Variants in DKKL1 observed in about 807,000 individuals in gnomAD.
DKKL1 encodes dickkopf-like protein 1.
Under a neutral mutation model 16.5 loss-of-function variants are expected in DKKL1, and 11 were observed. That is an observed-to-expected ratio of 0.67 (90% CI 0.42 to 1.10). The LOEUF (loss-of-function observed/expected upper bound fraction) is 1.10. Ranked by LOEUF, DKKL1 falls within the 50% of genes least tolerant of loss-of-function variation. The probability of loss-of-function intolerance (pLI) is 0.00; values close to 1 mark genes in which losing one functional copy is unlikely to be tolerated. For synonymous variants in DKKL1, 119 were observed against 133.2 expected (o/e 0.89, Z 0.73); for missense variants, 320 against 308.1 (o/e 1.04, Z -0.29).
At chr19:49,367,683 G>A (rs1973309447) in intron 4 of DKKL1, among the ~76,000 whole-genome samples, 1 of 152,130 alleles carries the variant, frequency 6.6e-6, no homozygotes, top group African/African-American at 2.4e-5. Flanking sequence ...TGGGATTATA[G>A]GCGTGAGCCA....
chr19:49,371,917 G>A (rs1193050573), intron 4 of DKKL1, among the ~76,000 whole-genome samples: 2 of 152,124 alleles, frequency 1.3e-5, no homozygotes, highest in African/African-American at 4.8e-5. Context: ...ATGGTTTCCA[G>A]CTTCATCCAT....
chr19:49,374,578 C>A, intron 4 of DKKL1, 139 bp from the exon 5 acceptor site: 1 of 717,860 alleles, frequency 1.4e-6, no homozygotes, highest in Non-Finnish European at 2.1e-6. Context: ...AACCCAAGTG[C>A]TTTGTAAACC....
intron 4 of DKKL1, among the ~76,000 whole-genome samples, chr19:49,373,062 G>A (rs976626218): frequency 1.3e-5 from 2 of 151,840 alleles, no homozygotes; most frequent in African/African-American, 2.4e-5. Context: ...CCAGCACTTT[G>A]GGAGGCCAAG....
intron 4 of DKKL1, among the ~76,000 whole-genome samples, chr19:49,371,426 T>A (rs1973480772): frequency 6.6e-6 from 1 of 152,222 alleles, no homozygotes; most frequent in African/African-American, 2.4e-5. Flanking sequence ...TGTCATTGCG[T>A]CATCATAGTT....
intron 4 of DKKL1, among the ~76,000 whole-genome samples, chr19:49,372,132 T>C (rs1973516086): frequency 6.6e-6 from 1 of 152,200 alleles, no homozygotes; most frequent in African/African-American, 2.4e-5. Context: ...AATATCCCTA[T>C]AGTCTCTTTT....
Position 49,363,949 on chromosome 19 carries a change from C to T in DKKL1, c.-50C>T, listed in dbSNP as rs1425922486. 4 of 1,609,142 alleles carry T rather than the reference C, an allele frequency of 2.5e-6. No individual in the cohort carries two copies. In the Middle Eastern group the frequency reaches 5.0e-4, roughly 199 times the overall value. On this transcript the variant is annotated 5_prime_UTR_variant, in exon 1 of 5. Coordinates refer to ENST00000221498, the MANE Select transcript of DKKL1 (RefSeq NM_014419.4). ...CGGCCGGAATCCGGGAGTCCGGTGA[C>T]CCGGGCTGTGGTCTAGCATAAAGGC...
intron 4 of DKKL1, chr19:49,368,709 A>G (rs1237299155): frequency 6.6e-6 from 1 of 152,194 alleles, no homozygotes; most frequent in African/African-American, 2.4e-5. Flanking sequence ...AGTGTTAGAA[A>G]TAATATTTTT....
At chr19:49,371,375 T>G (rs1000005557) in intron 4 of DKKL1, among the ~76,000 whole-genome samples, 2 of 152,196 alleles carry the variant, frequency 1.3e-5, no homozygotes, top group Non-Finnish European at 2.9e-5. Context: ...TCTTAATTTT[T>G]TAAAAAATAT....
In DKKL1 at chr19:49,364,605, C is replaced by G; in HGVS notation, c.34C>G (p.Arg12Gly). ...GEASPPAPAR[R>G]HLLVLLLLLS... is the part of the protein sequence containing the mutation. ...AGCCTCCCCACCTGCCCCCGCAAGG[C>G]GGCATCTGCTGGTCCTGCTGCTGCT... Residue 12 changes from arginine (R) to glycine (G), a missense_variant, in exon 2 of 5, where the codon CGG becomes GGG. By Grantham distance (125) the Arg-to-Gly change is moderately radical. Transcript: ENST00000221498. 6.2e-7 allele frequency: 1 copy of G among 1,612,366 alleles called. No homozygotes were observed. The highest frequency in any genetic ancestry group is 2.2e-5 in the East Asian group (1 of 44,878).
Position 49,364,563 on chromosome 19 carries a change from A to C in DKKL1, c.11-19A>C. The C allele has an allele frequency of 1.2e-6, 2 of 1,601,742 alleles. No individual in the cohort carries two copies. Among genetic ancestry groups the C allele is most frequent in the Non-Finnish European group, 1.7e-6 (2 of 1,174,576 alleles). ...GGCGTGGCCACTGTGCGGGGCTCTG[A>C]CCCCGACCCTTGCCACAGCCTCCCC... On this transcript the variant is annotated intron_variant, in intron 1 of 4. Coordinates refer to ENST00000221498, the MANE Select transcript of DKKL1 (RefSeq NM_014419.4).
chr19:49,362,791 G>C (rs1384623954), upstream of DKKL1, among the ~76,000 whole-genome samples: 1 of 152,028 alleles, frequency 6.6e-6, no homozygotes, highest in Admixed American at 6.6e-5. Context: ...ACGGGGCTAG[G>C]CGCCTGGAAT....
Position 49,365,658 on chromosome 19 carries a change from G to A in DKKL1, c.324+9G>A. The A allele has an allele frequency of 1.2e-6, 2 of 1,609,314 alleles. No individual in the cohort carries two copies. On this transcript the variant is annotated intron_variant, in intron 3 of 4. Coordinates refer to ENST00000221498, the MANE Select transcript of DKKL1 (RefSeq NM_014419.4). Reference sequence around the variant, plus strand: ...ACCTCCAGATCGACAAGGTGCCTATGCAGGGAAGCCCTTCCTGAAGTCCCC... The same window carrying A: ...ACCTCCAGATCGACAAGGTGCCTATACAGGGAAGCCCTTCCTGAAGTCCCC...
intron 4 of DKKL1, among the ~76,000 whole-genome samples, chr19:49,373,158 G>T (rs1973570828): frequency 6.6e-6 from 1 of 151,602 alleles, no homozygotes; most frequent in Non-Finnish European, 1.5e-5. Context: ...GCAAAAATTA[G>T]CTGGCATGGT....
chr19:49,360,608 G>C (rs1250251937), upstream of DKKL1, among the ~76,000 whole-genome samples: 1 of 152,076 alleles, frequency 6.6e-6, no homozygotes, highest in African/African-American at 2.4e-5. Flanking sequence ...AAAAGTTAGT[G>C]GTGGGGAAGG....
chr19:49,369,295 G>A (rs1270143919), intron 4 of DKKL1: 1 of 152,002 alleles, frequency 6.6e-6, no homozygotes. Context: ...AGGGATAACA[G>A]GCACGCACTA....
chr19:49,371,027 G>C (rs1448990154), intron 4 of DKKL1: 1 of 152,234 alleles, frequency 6.6e-6, no homozygotes, highest in East Asian at 1.9e-4. Flanking sequence ...TCTTCCTGTA[G>C]TGGAGACACT....
chr19:49,363,975 G>A lies in DKKL1; in HGVS notation c.-24G>A, dbSNP rs1394150348. On this transcript the variant is annotated 5_prime_UTR_variant, in exon 1 of 5. Transcript: ENST00000221498. ...CCGGGCTGTGGTCTAGCATAAAGGC[G>A]GAGCCCAGAAGAAGGGGCGGGGTAT... The A allele has an allele frequency of 3.7e-6, 6 of 1,612,882 alleles. No individual in the cohort carries two copies. Among genetic ancestry groups the A allele is most frequent in the Non-Finnish European group, 5.1e-6 (6 of 1,179,502 alleles).
At chr19:49,365,482 G>C (rs967848672) in intron 2 of DKKL1, 27 bp from the exon 3 acceptor site, 2 of 1,572,614 alleles carry the variant, frequency 1.3e-6, no homozygotes, top group African/African-American at 1.3e-5. Context: ...AGGTCCAGCA[G>C]CTCACCAGTC....
At chr19:49,369,685 T>A (rs1235143780) in intron 4 of DKKL1, 1 of 152,278 alleles carries the variant, frequency 6.6e-6, no homozygotes, top group Non-Finnish European at 1.5e-5. Context: ...GCCCAGCCAC[T>A]CTGAGAAAGG....
Sources: gnomAD v4.1 joint callset for allele counts (sites outside exome capture counted in the v4.1 genomes callset) on GRCh38, gnomAD v4.1.1 for gene constraint, MANE v1.5 for transcripts, NCBI Gene and HGNC (gene_info 2026-07-23, HGNC 2026-07-21) for gene names.